The following ELOVL6 variants were observed in gnomAD, a reference collection of about 807,000 sequenced individuals.
ELOVL6 encodes ELOVL fatty acid elongase 6.
ELOVL6 carries 8 observed loss-of-function variants against 31.7 expected under a neutral mutation model. That is an observed-to-expected ratio of 0.25 (90% confidence interval 0.15 to 0.45). ELOVL6 has a LOEUF of 0.45. Among genes scored for constraint, ELOVL6 ranks in the 20% least tolerant of loss-of-function variants. The pLI is 1.00. For missense variants in ELOVL6, 126 were observed against 326.4 expected (o/e 0.39, Z 4.73); for synonymous variants, 101 against 117.7 (o/e 0.86, Z 0.92).
chr4:110,072,530 T>C (rs1475294508), intron 2 of ELOVL6, among the ~76,000 whole-genome samples: 5 of 152,078 alleles, frequency 3.3e-5, no homozygotes, highest in African/African-American at 1.2e-4. Flanking sequence ...ATCTGCCAGG[T>C]GAAACTCACT....
At chr4:110,088,099 A>G (rs2126237944) in intron 2 of ELOVL6, among the ~76,000 whole-genome samples, 1 of 152,354 alleles carries the variant, frequency 6.6e-6, no homozygotes, top group Non-Finnish European at 1.5e-5. Context: ...AGCAAAGCCA[A>G]GGTGACCTTG....
At chr4:110,084,384 TCG>T (rs1282265085) in intron 2 of ELOVL6, among the ~76,000 whole-genome samples, 1 of 50,538 alleles carries the variant, frequency 2.0e-5, no homozygotes, top group Non-Finnish European at 3.7e-5. Flanking sequence ...ATGATATATA[TCG>T]CATATATGAT....
intron 1 of ELOVL6, among the ~76,000 whole-genome samples, chr4:110,176,411 T>C (rs9994197): frequency 0.074 from 11,334 of 152,184 alleles, 693 homozygotes; most frequent in African/African-American, 0.17. Flanking sequence ...CTGCCCACCT[T>C]GGCCTCCCAA....
intron 1 of ELOVL6, among the ~76,000 whole-genome samples, chr4:110,151,082 AAATTCTT>A (rs1370442427): frequency 1.3e-5 from 2 of 152,086 alleles, no homozygotes; most frequent in Non-Finnish European, 2.9e-5. Flanking sequence ...TTTAACTTTG[AAATTCTT>A]AACTGAATTT....
Position 110,079,948 on chromosome 4 carries a change from G to A in ELOVL6, c.222-20194C>T, listed in dbSNP as rs189412503. ...CACAGAAATACAAACTACCATCAGA[G>A]AATGCTATAAACACCTCCACACAAA... On this transcript the variant is annotated intron_variant, in intron 2 of 3. Coordinates refer to ENST00000302274, the MANE Select transcript of ELOVL6 (RefSeq NM_024090.3). Among the ~76,000 whole-genome samples, 884 of 152,250 alleles carry A rather than the reference G, an allele frequency of 5.8e-3. 10 individuals carry two copies. The highest frequency in any genetic ancestry group is 0.02 in the African/African-American group (837 of 41,542).
chr4:110,117,212 T>C (rs1164257822), intron 1 of ELOVL6, among the ~76,000 whole-genome samples: 1 of 152,174 alleles, frequency 6.6e-6, no homozygotes, highest in African/African-American at 2.4e-5. Context: ...AACCAAAAAT[T>C]ATCCAGCCCC....
intron 1 of ELOVL6, among the ~76,000 whole-genome samples, chr4:110,170,079 T>G (rs896738405): frequency 1.3e-5 from 2 of 151,808 alleles, no homozygotes; most frequent in Non-Finnish European, 2.9e-5. Context: ...CCTCCCAAAG[T>G]GCTAGGATTA....
intron 2 of ELOVL6, among the ~76,000 whole-genome samples, chr4:110,066,637 CAAAAAAA>C (rs1209180349): frequency 0.011 from 620 of 56,548 alleles, 3 homozygotes; most frequent in Non-Finnish European, 0.016. Context: ...TCTGTCTCAA[CAAAAAAA>C]AAAAAAAAAA....
intron 1 of ELOVL6, chr4:110,118,119 C>A (rs146529021): frequency 1.3e-5 from 2 of 148,934 alleles, no homozygotes; most frequent in Non-Finnish European, 3.0e-5. Context: ...CCACCATGCC[C>A]GGCTAGTTTT....
intron 2 of ELOVL6, among the ~76,000 whole-genome samples, chr4:110,066,213 C>CT (rs1755294492): frequency 6.6e-6 from 1 of 152,136 alleles, no homozygotes; most frequent in Non-Finnish European, 1.5e-5. Context: ...GTCTTAGACT[C>CT]TGACAGTTTC....
At chr4:110,129,855 T>C (rs1368534390) in intron 1 of ELOVL6, among the ~76,000 whole-genome samples, 1 of 152,072 alleles carries the variant, frequency 6.6e-6, no homozygotes. Context: ...TAAGATTCTA[T>C]TTGTTGATTT....
At chr4:110,167,148 G>A (rs1434825358) in intron 1 of ELOVL6, among the ~76,000 whole-genome samples, 1 of 152,116 alleles carries the variant, frequency 6.6e-6, no homozygotes, top group African/African-American at 2.4e-5. Flanking sequence ...AAGATCACAG[G>A]GTTTCAGTAT....
chr4:110,084,586 ATATTTTTTTTTT>A (rs1283822678), intron 2 of ELOVL6, among the ~76,000 whole-genome samples: 45 of 39,590 alleles, frequency 1.1e-3, no homozygotes, highest in Admixed American at 2.1e-3. Context: ...ATATATATAT[ATATTTTTTTTTT>A]TTTTTTTTTT....
chr4:110,122,738 C>T lies in ELOVL6; in HGVS notation c.90-17110G>A, dbSNP rs543486782. 8.5e-5 allele frequency among the ~76,000 whole-genome samples: 13 copies of T among 152,348 alleles called. No individual in the cohort carries two copies. In the South Asian group the frequency reaches 2.5e-3, roughly 29 times the overall value. On this transcript the variant is annotated intron_variant, in intron 1 of 3. Transcript: ENST00000302274. ...TCTCCCTACTCCTCTGGAATCATGT[C>T]ATAACTTTCCCCTGTGACACCCTGT... is the stretch of plus-strand genomic sequence containing the variant.
At position 110,071,948 on chromosome 4, in the gene ELOVL6, A is replaced by T. The variant is rs1024951119; in HGVS notation, c.222-12194T>A. On this transcript the variant is annotated intron_variant, in intron 2 of 3. Coordinates refer to ENST00000302274, the MANE Select transcript of ELOVL6 (RefSeq NM_024090.3). ...GGTGAACTCTTTGGCTGATAACTTC[A>T]TAACGTGAGAAGGGCGGAGCCAGCC... Among the ~76,000 whole-genome samples, 3 of 152,250 alleles carry T rather than the reference A, an allele frequency of 2.0e-5. No homozygotes were observed. The South Asian group carries it at 6.2e-4, about 32-fold the overall frequency.
chr4:110,120,779 C>CTTTTCTTTTTTTTCTTTTCTTTTT, intron 1 of ELOVL6, among the ~76,000 whole-genome samples: 2 of 139,868 alleles, frequency 1.4e-5, no homozygotes, highest in East Asian at 4.1e-4. Context: ...TCAGCTGGTT[C>CTTTTCTTTTTTTTCTTTTCTTTTT]TTTTCTTTTT....
chr4:110,163,020 G>T (rs1201092170), intron 1 of ELOVL6, among the ~76,000 whole-genome samples: 1 of 152,144 alleles, frequency 6.6e-6, no homozygotes, highest in Non-Finnish European at 1.5e-5. Context: ...TGTGAATGAA[G>T]AAAGACCCAA....
chr4:110,063,838 G>T (rs2042451010), intron 2 of ELOVL6, among the ~76,000 whole-genome samples: 1 of 151,864 alleles, frequency 6.6e-6, no homozygotes, highest in South Asian at 2.1e-4. Flanking sequence ...AGCACTTTGG[G>T]ATGCCGAGGA....
chr4:110,060,619 A>G (rs1425486125), intron 2 of ELOVL6, among the ~76,000 whole-genome samples: 1 of 152,224 alleles, frequency 6.6e-6, no homozygotes, highest in African/African-American at 2.4e-5. Flanking sequence ...ACAACCTGCC[A>G]TGGGAAAGCA....
Sources: allele counts gnomAD v4.1 joint callset (sites outside exome capture counted in the v4.1 genomes callset), GRCh38; gene constraint gnomAD v4.1.1; transcripts MANE v1.5; gene names NCBI Gene and HGNC (gene_info 2026-07-23, HGNC 2026-07-21).